IQCH: variants seen among roughly 807,000 people sequenced by gnomAD.
IQCH encodes the protein IQ motif containing H, also known as IQ domain-containing protein H.
Under a neutral mutation model 117.0 loss-of-function variants are expected in IQCH, and 98 were observed. That is an observed-to-expected ratio of 0.84 (90% CI 0.71 to 0.99). The LOEUF (loss-of-function observed/expected upper bound fraction) is 0.99. Ranked by LOEUF, IQCH falls within the 50% of genes least tolerant of loss-of-function variation. IQCH has a pLI of 0.00. For missense variants in IQCH, 1,102 were observed against 1,243.8 expected, an observed-to-expected ratio of 0.89 and a Z score of 1.72; for synonymous variants, 412 against 448.2, an observed-to-expected ratio of 0.92 and a Z score of 1.02.
chr15:67,400,827 A>G (rs1309021610), intron 14 of IQCH, among the ~76,000 whole-genome samples: 3 of 151,906 alleles, frequency 2.0e-5, no homozygotes, highest in Non-Finnish European at 4.4e-5. Context: ...TGGGCCCTAA[A>G]AGTCCTTATT....
chr15:67,402,951 T>C (rs112714586), intron 14 of IQCH, among the ~76,000 whole-genome samples: 2 of 152,282 alleles, frequency 1.3e-5, no homozygotes, highest in African/African-American at 4.8e-5. Context: ...AAGTATCTAA[T>C]ATAAAGATCA....
intron 20 of IQCH, among the ~76,000 whole-genome samples, chr15:67,498,740 A>G (rs2083896107): frequency 6.6e-6 from 1 of 152,226 alleles, no homozygotes; most frequent in Non-Finnish European, 1.5e-5. Flanking sequence ...TTTCTTAGAC[A>G]TGGTGCCTAA....
Position 67,458,168 on chromosome 15 carries a change from A to G in IQCH, c.2506-6959A>G, listed in dbSNP as rs1888644364. 6.6e-6 allele frequency among the ~76,000 whole-genome samples: 1 copy of G among 152,196 alleles called. No homozygotes were observed. Among genetic ancestry groups the G allele is most frequent in the African/African-American group, 2.4e-5 (1 of 41,448 alleles). On this transcript the variant is annotated intron_variant, in intron 16 of 20. Transcript: ENST00000335894. The surrounding 1 kb of genome is among the most constrained non-coding windows in gnomAD (Gnocchi z 4.1). ...CTGAGATTTCAACCCACCCTCTATA[A>G]CATGCTGTAACAAAGGCATCTCAAA...
rs760146170 is a variant in IQCH, at chr15:67,254,956, C to T, written c.51+9C>T. ...GATCCATCTTAATCCAGGTGGGAAA[C>T]GGGCTTCCCCCGGCCCTGCCCTGCC... On this transcript the variant is annotated intron_variant, in intron 1 of 20. Transcript: ENST00000335894. The T allele has an allele frequency of 9.3e-6, 15 of 1,612,310 alleles. 1 individual carries two copies. The Admixed American group carries it at 1.3e-4, about 14-fold the overall frequency.
In IQCH at chr15:67,431,437, G is replaced by A. The variant is rs2082017633; in HGVS notation, c.2505+9860G>A. 6.6e-6 allele frequency among the ~76,000 whole-genome samples: 1 copy of A among 152,046 alleles called. No individual in the cohort carries two copies. The highest frequency in any genetic ancestry group is 2.1e-4 in the South Asian group (1 of 4,822). Reference sequence around the variant, plus strand: ...CTTATAAGTGGGAGCTAAATGATGAGAATACAGGGACACATAGAGGGGAAC... The same window carrying A: ...CTTATAAGTGGGAGCTAAATGATGAAAATACAGGGACACATAGAGGGGAAC... On this transcript the variant is annotated intron_variant, in intron 16 of 20. Coordinates refer to ENST00000335894, the MANE Select transcript of IQCH (RefSeq NM_001031715.3). The surrounding 1 kb of genome is among the most constrained non-coding windows in gnomAD (Gnocchi z 4.8).
intron 10 of IQCH, chr15:67,373,799 A>G (rs1970645706): frequency 3.0e-6 from 1 of 331,042 alleles, no homozygotes; most frequent in Non-Finnish European, 5.6e-6. Flanking sequence ...TGTTACGCCA[A>G]TAAGCCAGGA....
chr15:67,349,934 GT>G (rs1969581020), intron 6 of IQCH, among the ~76,000 whole-genome samples: 1 of 152,104 alleles, frequency 6.6e-6, no homozygotes, highest in South Asian at 2.1e-4. Flanking sequence ...ATGCAAAATG[GT>G]ACAAACACTT....
intron 4 of IQCH, among the ~76,000 whole-genome samples, chr15:67,302,212 C>G (rs1425598181): frequency 6.6e-6 from 1 of 152,162 alleles, no homozygotes; most frequent in East Asian, 1.9e-4. Flanking sequence ...AGAATACACA[C>G]ATTTTAAAAA....
At position 67,479,446 on chromosome 15, in the gene IQCH, A is replaced by C. The variant is rs1290574379; in HGVS notation, c.2799+3628A>C. 6.6e-6 allele frequency among the ~76,000 whole-genome samples: 1 copy of C among 152,098 alleles called. No individual in the cohort carries two copies. Among genetic ancestry groups the C allele is most frequent in the Non-Finnish European group, 1.5e-5 (1 of 68,024 alleles). ...GGACTGTTTCCCACCAACTGTCTCT[A>C]TTTCTAAAATATTACCAACCCAGTC... On this transcript the variant is annotated intron_variant, in intron 18 of 20. Coordinates refer to ENST00000335894, the MANE Select transcript of IQCH (RefSeq NM_001031715.3). The surrounding 1 kb of genome is among the most constrained non-coding windows in gnomAD (Gnocchi z 4.6).
chr15:67,475,677 C>T lies in IQCH; in HGVS notation c.2677-19C>T. On this transcript the variant is annotated intron_variant, in intron 17 of 20. Transcript: ENST00000335894. This position sits in a 1 kb window ranked among gnomAD's most constrained non-coding sequence, Gnocchi z 5.7. ...TTTATTTAAATATCTGTTTAATATT[C>T]AGTTGTGCTCCTTTCCAGATGCTGG... The T allele has an allele frequency of 6.2e-7, 1 of 1,608,052 alleles. No individual in the cohort carries two copies. Among genetic ancestry groups the T allele is most frequent in the Non-Finnish European group, 8.5e-7 (1 of 1,177,128 alleles).
intron 5 of IQCH, among the ~76,000 whole-genome samples, chr15:67,341,578 C>G (rs1468489185): frequency 6.6e-6 from 1 of 152,180 alleles, no homozygotes; most frequent in African/African-American, 2.4e-5. Context: ...CTGTGAGATA[C>G]ATCATTTCTG....
At position 67,465,173 on chromosome 15, in the gene IQCH, T is replaced by C; in HGVS notation, c.2552T>C (p.Leu851Pro). ...CTCGCATATAGTGACCAGCTGGCCC[T>C]GACTCAACTCACCTTATACCTGACA... ...LNLAYSDQLA[L>P]TQLTLYLTNG... The change falls in exon 17 of 21, where the codon CTG becomes CCG. Residue 851 changes from leucine to proline, a missense_variant. By Grantham distance (98) the Leu-to-Pro change is moderately conservative. This residue lies in a region of IQCH where 650 missense variants were observed against 794.3 expected (regional missense o/e 0.82). Transcript: ENST00000335894. This position sits in a 1 kb window ranked among gnomAD's most constrained non-coding sequence, Gnocchi z 5.9. 6.2e-7 allele frequency: 1 copy of C among 1,614,196 alleles called. No individual in the cohort carries two copies. The highest frequency in any genetic ancestry group is 8.5e-7 in the Non-Finnish European group (1 of 1,180,030).
intron 14 of IQCH, 27 bp downstream of exon 14, chr15:67,400,332 C>T (rs373446213): frequency 9.6e-6 from 15 of 1,567,922 alleles, no homozygotes; most frequent in South Asian, 7.8e-5. Flanking sequence ...GACTTAAACC[C>T]GCAGGGTCTG....
chr15:67,334,827 G>C (rs1357943977), intron 4 of IQCH, among the ~76,000 whole-genome samples: 1 of 152,106 alleles, frequency 6.6e-6, no homozygotes, highest in Non-Finnish European at 1.5e-5. Flanking sequence ...CTTTTCCATT[G>C]CTCATGAAAT....
chr15:67,363,392 C>CA (rs1222782159), intron 8 of IQCH, among the ~76,000 whole-genome samples: 1 of 151,792 alleles, frequency 6.6e-6, no homozygotes, highest in Non-Finnish European at 1.5e-5. Context: ...TGCACCACCA[C>CA]ACCCAGCTAA....
intron 12 of IQCH, among the ~76,000 whole-genome samples, chr15:67,392,785 C>CAA (rs33923178): frequency 0.38 from 43,447 of 113,140 alleles, 9,154 homozygotes; most frequent in Non-Finnish European, 0.45. Context: ...CCTGCTTCCA[C>CAA]AAAAAAAAAA....
intron 4 of IQCH, among the ~76,000 whole-genome samples, chr15:67,308,145 T>C (rs1232131587): frequency 1.3e-5 from 2 of 152,168 alleles, no homozygotes; most frequent in Non-Finnish European, 2.9e-5. Flanking sequence ...AAGCTGGCCC[T>C]CTGCCCACAA....
intron 4 of IQCH, among the ~76,000 whole-genome samples, chr15:67,309,132 A>G (rs1241792316): frequency 1.3e-5 from 2 of 152,078 alleles, no homozygotes; most frequent in East Asian, 3.9e-4. Context: ...TATCTATCTC[A>G]TAGGATTGTA....
chr15:67,400,914 T>C (rs974715288), intron 14 of IQCH, among the ~76,000 whole-genome samples: 3 of 152,166 alleles, frequency 2.0e-5, no homozygotes, highest in African/African-American at 7.2e-5. Flanking sequence ...AATCTTATAA[T>C]TTGCCCTAAG....
Sources: allele counts gnomAD v4.1 joint callset (sites outside exome capture counted in the v4.1 genomes callset), GRCh38; gene constraint gnomAD v4.1.1; regional missense constraint gnomAD v4.1.1; non-coding constraint Gnocchi (gnomAD v3.1); transcripts MANE v1.5; gene names NCBI Gene and HGNC (gene_info 2026-07-23, HGNC 2026-07-21).